STEAP4: variants seen among roughly 807,000 people sequenced by gnomAD.
STEAP4 encodes metalloreductase STEAP4.
A neutral mutation model predicts 43.6 loss-of-function variants in STEAP4; 36 were observed. The ratio of observed to expected loss-of-function variants is 0.83; its 90% confidence interval spans 0.63 to 1.09. STEAP4 has a LOEUF of 1.09. STEAP4 is among the 50% of genes least tolerant of loss of function. STEAP4 has a pLI of 0.00. For synonymous variants in STEAP4, 191 were observed against 196.7 expected (o/e 0.97, Z 0.24); for missense variants, 495 against 546.5 (o/e 0.91, Z 0.94).
At chr7:88,286,764 AACACACACACACAC>A (rs61360123) in intron 1 of STEAP4, among the ~76,000 whole-genome samples, 28 of 133,840 alleles carry the variant, frequency 2.1e-4, no homozygotes, top group African/African-American at 6.1e-4. Context: ...CATACATATA[AACACACACACACAC>A]ACACACACAC....
chr7:88,282,640 C>G lies in STEAP4; in HGVS notation c.984+1G>C. On this transcript the variant is annotated splice_donor_variant, in intron 3 of 4. Coordinates refer to ENST00000380079, the MANE Select transcript of STEAP4 (RefSeq NM_024636.4). LOFTEE classifies it high-confidence loss of function. ...AAGAAAATATATAAGAAGAGATTTA[C>G]CTGGGTAACGGTTAAGTTTCCCAAT... is the stretch of plus-strand genomic sequence containing the variant. 6.2e-7 allele frequency: 1 copy of G among 1,610,280 alleles called. No homozygotes were observed. Among genetic ancestry groups the G allele is most frequent in the Non-Finnish European group, 8.5e-7 (1 of 1,177,356 alleles).
chr7:88,298,719 G>T (rs1317296144), intron 1 of STEAP4, among the ~76,000 whole-genome samples: 2 of 152,060 alleles, frequency 1.3e-5, no homozygotes, highest in Non-Finnish European at 2.9e-5. Flanking sequence ...ATAAGTTCTA[G>T]TAACTACTTA....
rs910450074 is a variant in STEAP4 at position 88,282,688 on chromosome 7, T to C, written c.937A>G (p.Ile313Val). 6.2e-7 allele frequency: 1 copy of C among 1,614,022 alleles called. No homozygotes were observed. The highest frequency in any genetic ancestry group is 2.2e-5 in the East Asian group (1 of 44,866). ...LHVLYTLVIPIRYYVRWRLGN... is the reference protein window; with the variant it reads ...LHVLYTLVIPVRYYVRWRLGN... ...AATCTCCATCGTACATAATATCGAA[T>C]AGGAATCACAAGTGTGTAGAGGACA... Residue 313 changes from isoleucine (I) to valine (V), a missense_variant, in exon 3 of 5, where the codon ATT becomes GTT. Physicochemically the swap from Ile to Val is conservative, Grantham distance 29 (BLOSUM62 3). Coordinates refer to ENST00000380079, the MANE Select transcript of STEAP4 (RefSeq NM_024636.4).
chr7:88,279,398 C>T lies in STEAP4; in HGVS notation c.1380G>A (p.Ter460=), dbSNP rs937772650. The change falls in exon 5 of 5, where the codon TAG becomes TAA. Residue 460 remains the stop codon, a stop_retained_variant. Coordinates refer to ENST00000380079, the MANE Select transcript of STEAP4 (RefSeq NM_024636.4). ...RQGWERNSKH[*] ...ATTGATTTTCCATTCAATGCTTTTT[C>T]TAGTGTTTTGAGTTCCTTTCCCAGC... is the stretch of plus-strand genomic sequence containing the variant. 6.2e-7 allele frequency: 1 copy of T among 1,611,680 alleles called. No homozygotes were observed. The highest frequency in any genetic ancestry group is 8.5e-7 in the Non-Finnish European group (1 of 1,178,940).
intron 4 of STEAP4, among the ~76,000 whole-genome samples, chr7:88,280,473 G>T (rs1852599026): frequency 6.6e-6 from 1 of 152,136 alleles, no homozygotes; most frequent in Non-Finnish European, 1.5e-5. Context: ...TTTAAAGAGG[G>T]GTTGGTTGGT....
intron 1 of STEAP4, among the ~76,000 whole-genome samples, chr7:88,286,763 A>G (rs1181480897): frequency 7.9e-6 from 1 of 127,150 alleles, no homozygotes; most frequent in Non-Finnish European, 1.6e-5. Context: ...CCATACATAT[A>G]AACACACACA....
chr7:88,287,156 C>T (rs767789932), intron 1 of STEAP4, among the ~76,000 whole-genome samples: 5 of 152,172 alleles, frequency 3.3e-5, no homozygotes, highest in Non-Finnish European at 5.9e-5. Context: ...GCTACAGACA[C>T]CCAGTGATGA....
At position 88,279,300 on chromosome 7, in the gene STEAP4, G is replaced by T; in HGVS notation, c.*98C>A. 4 of 1,160,700 alleles carry T rather than the reference G, an allele frequency of 3.4e-6. No homozygotes were observed. The highest frequency in any genetic ancestry group is 1.4e-5 in the South Asian group (1 of 69,030). 71.9% of individuals were successfully genotyped at this position (1,160,700 alleles called of 1,614,324 possible). ...GTGTAAGAAAAAAACTTTCCTAACTGTACCCATCATTCTTCTTTAAACATT... is the reference window on the plus strand; with the variant it reads ...GTGTAAGAAAAAAACTTTCCTAACTTTACCCATCATTCTTCTTTAAACATT... On this transcript the variant is annotated 3_prime_UTR_variant, in exon 5 of 5. Coordinates refer to ENST00000380079, the MANE Select transcript of STEAP4 (RefSeq NM_024636.4).
intron 4 of STEAP4, 118 bp downstream of exon 4, chr7:88,280,796 AT>A: frequency 9.5e-7 from 1 of 1,055,244 alleles, no homozygotes; most frequent in African/African-American, 1.6e-5. Context: ...AAATCAAATC[AT>A]TATGGATTCT....
rs761578565 is a variant in STEAP4 at position 88,284,084 on chromosome 7, T to G, written c.186A>C (p.Ala62=). The stretch of plus-strand genomic sequence containing the variant: ...CTGCTTCTGAATAGCTCAAGACTTC[T>G]GCACCACTGGGCAGTAGGGTGGTCT... ...PQKTTLLPSG[A]EVLSYSEAAK... The change falls in exon 2 of 5, where the codon GCA becomes GCC. Residue 62 remains alanine (A), a synonymous_variant. Coordinates refer to ENST00000380079, the MANE Select transcript of STEAP4 (RefSeq NM_024636.4). The G allele has an allele frequency of 1.9e-6, 3 of 1,614,176 alleles. No individual in the cohort carries two copies. The East Asian group carries it at 6.7e-5, about 36-fold the overall frequency.
At chr7:88,288,196 G>A (rs1193850561) in intron 1 of STEAP4, among the ~76,000 whole-genome samples, 3 of 152,296 alleles carry the variant, frequency 2.0e-5, no homozygotes, top group Non-Finnish European at 2.9e-5. Context: ...GTGAGACAGA[G>A]TTTCGTTCTC....
chr7:88,279,375 T>C lies in STEAP4; in HGVS notation c.*23A>G. 6.2e-7 allele frequency: 1 copy of C among 1,603,664 alleles called. No homozygotes were observed. The highest frequency in any genetic ancestry group is 1.1e-5 in the South Asian group (1 of 90,672). On this transcript the variant is annotated 3_prime_UTR_variant, in exon 5 of 5. Coordinates refer to ENST00000380079, the MANE Select transcript of STEAP4 (RefSeq NM_024636.4). The stretch of plus-strand genomic sequence containing the variant: ...CTAAATTGAACTTTGTTTTAAATAT[T>C]GATTTTCCATTCAATGCTTTTTCTA...
At chr7:88,279,769 A>G in intron 4 of STEAP4, 141 bp from the exon 5 acceptor site, 1 of 654,952 alleles carries the variant, frequency 1.5e-6, no homozygotes, top group Non-Finnish European at 2.6e-6. Flanking sequence ...AAGTACTGAA[A>G]AAAAGCACTA....
At position 88,290,618 on chromosome 7, in the gene STEAP4, A is replaced by G. The variant is rs142658527; in HGVS notation, c.-2-6347T>C. 3.3e-5 allele frequency among the ~76,000 whole-genome samples: 5 copies of G among 152,304 alleles called. No individual in the cohort carries two copies. The East Asian group carries it at 9.7e-4, about 29-fold the overall frequency. On this transcript the variant is annotated intron_variant, in intron 1 of 4. Coordinates refer to ENST00000380079, the MANE Select transcript of STEAP4 (RefSeq NM_024636.4). The stretch of plus-strand genomic sequence containing the variant: ...CTTTCAAAAAAATTTCTAAGTAACT[A>G]AAATTTCTATACATCTCCAGAACGC...
intron 3 of STEAP4, chr7:88,282,398 C>T (rs760968946): frequency 5.7e-5 from 29 of 507,512 alleles, no homozygotes; most frequent in African/African-American, 2.7e-4. Context: ...TCACCTGCCT[C>T]GGAATCCCAA....
At chr7:88,301,170 C>T (rs1370362021) in intron 1 of STEAP4, among the ~76,000 whole-genome samples, 1 of 152,226 alleles carries the variant, frequency 6.6e-6, no homozygotes, top group Admixed American at 6.5e-5. Context: ...GAACCATTTA[C>T]CAACCAGCTA....
intron 1 of STEAP4, among the ~76,000 whole-genome samples, chr7:88,302,413 G>A (rs1291003426): frequency 6.6e-6 from 1 of 150,582 alleles, no homozygotes; most frequent in African/African-American, 2.4e-5. Flanking sequence ...CTACAGGCTA[G>A]GAGGGACTTG....
chr7:88,298,029 C>G (rs1586752973), intron 1 of STEAP4, among the ~76,000 whole-genome samples: 1 of 152,000 alleles, frequency 6.6e-6, no homozygotes, highest in African/African-American at 2.4e-5. Flanking sequence ...AAGTGAAAAA[C>G]AGAATGTTTG....
At chr7:88,284,977 T>G (rs1852703244) in intron 1 of STEAP4, among the ~76,000 whole-genome samples, 1 of 151,930 alleles carries the variant, frequency 6.6e-6, no homozygotes, top group Non-Finnish European at 1.5e-5. Context: ...ACCAGACAAA[T>G]ACATCTGCTA....
Sources: gnomAD v4.1 joint callset for allele counts (sites outside exome capture counted in the v4.1 genomes callset) on GRCh38, gnomAD v4.1.1 for gene constraint, MANE v1.5 for transcripts, NCBI Gene and HGNC (gene_info 2026-07-23, HGNC 2026-07-21) for gene names.